The following PLA2G6 variants were observed in gnomAD, a reference collection of about 807,000 sequenced individuals.
PLA2G6 encodes the protein phospholipase A2 group VI, also known as 85/88 kDa calcium-independent phospholipase A2.
PLA2G6 carries 62 observed loss-of-function variants against 83.8 expected under a neutral mutation model. The observed-to-expected ratio is 0.74, with a 90% CI of 0.60 to 0.91. The LOEUF (loss-of-function observed/expected upper bound fraction) is 0.91, where lower values mean the gene tolerates loss of function less well. Among genes scored for constraint, PLA2G6 ranks in the 40% least tolerant of loss-of-function variants. PLA2G6 has a pLI of 0.00. For synonymous variants in PLA2G6, 417 were observed against 449.8 expected, an observed-to-expected ratio of 0.93 and a Z score of 0.92; for missense variants, 944 against 1,102.0, an observed-to-expected ratio of 0.86 and a Z score of 2.03.
chr22:38,150,127 G>C (rs1473377912), intron 2 of PLA2G6: 1 of 151,292 alleles, frequency 6.6e-6, no homozygotes, highest in Non-Finnish European at 1.5e-5. Context: ...GCACCTTGTA[G>C]GGGTTTTAAA....
At chr22:38,178,587 G>A (rs904709914) in intron 1 of PLA2G6, among the ~76,000 whole-genome samples, 4 of 151,838 alleles carry the variant, frequency 2.6e-5, no homozygotes, top group Non-Finnish European at 4.4e-5. Flanking sequence ...AAACAAGGCC[G>A]GGCGCGGTGG....
intron 1 of PLA2G6, among the ~76,000 whole-genome samples, chr22:38,177,458 C>CTT (rs72012543): frequency 9.5e-5 from 11 of 115,630 alleles, no homozygotes; most frequent in African/African-American, 2.0e-4. Flanking sequence ...TAAATTGCCA[C>CTT]TTTTTTTTTT....
At chr22:38,168,898 C>T (rs966975905) in intron 2 of PLA2G6, among the ~76,000 whole-genome samples, 4 of 152,056 alleles carry the variant, frequency 2.6e-5, no homozygotes, top group Admixed American at 2.6e-4. Context: ...AAAGGTTCTC[C>T]CCATGGGCCT....
intron 2 of PLA2G6, chr22:38,147,950 A>C (rs2089358012): frequency 6.2e-6 from 1 of 161,246 alleles, no homozygotes. Flanking sequence ...TCAGTGTTAC[A>C]GAAACAACAA....
At chr22:38,114,675 G>C (rs2087080850) in intron 14 of PLA2G6, among the ~76,000 whole-genome samples, 1 of 152,200 alleles carries the variant, frequency 6.6e-6, no homozygotes, top group African/African-American at 2.4e-5. Flanking sequence ...GGCCCCTAGA[G>C]GGCGCTTCTC....
At chr22:38,142,511 T>C (rs1460129334) in intron 4 of PLA2G6, 1 of 159,424 alleles carries the variant, frequency 6.3e-6, no homozygotes, top group Non-Finnish European at 1.4e-5. Flanking sequence ...TTTGAATTCC[T>C]GTAAAATAGG....
chr22:38,143,078 A>G lies in PLA2G6; in HGVS notation c.609+27T>C, dbSNP rs148500718. 8,829 of 1,607,778 alleles carry G rather than the reference A, an allele frequency of 5.5e-3. 41 individuals are homozygous for G. The highest frequency in any genetic ancestry group is 6.8e-3 in the Non-Finnish European group (8,042 of 1,174,250). On this transcript the variant is annotated intron_variant, in intron 4 of 16. Transcript: ENST00000332509. ...GTGGACACCGGGAGGTATCAGTACCAGTCACCCTGCCCCTCCCCCTGCTCA... is the reference window on the plus strand; with the variant it reads ...GTGGACACCGGGAGGTATCAGTACCGGTCACCCTGCCCCTCCCCCTGCTCA...
chr22:38,176,477 T>G (rs16998801), intron 1 of PLA2G6, among the ~76,000 whole-genome samples: 10,789 of 152,262 alleles, frequency 0.071, 670 homozygotes, highest in African/African-American at 0.15. Flanking sequence ...TTGGAACAAC[T>G]GTTGGATGGT....
intron 12 of PLA2G6, among the ~76,000 whole-genome samples, chr22:38,116,646 GGAGTTC>G (rs1305529097): frequency 6.6e-6 from 1 of 152,146 alleles, no homozygotes; most frequent in Middle Eastern, 3.4e-3. Flanking sequence ...CCTGAGGTCA[GGAGTTC>G]GAGACCAGCC....
At chr22:38,115,363 T>C (rs1350327487) in intron 14 of PLA2G6, among the ~76,000 whole-genome samples, 164 bp downstream of exon 14, 1 of 152,324 alleles carries the variant, frequency 6.6e-6, no homozygotes, top group African/African-American at 2.4e-5. Context: ...ATCCCACCCA[T>C]GGAACAGGTT....
intron 12 of PLA2G6, chr22:38,116,474 T>G: frequency 1.6e-6 from 1 of 638,166 alleles, no homozygotes; most frequent in Admixed American, 2.1e-5. Context: ...AAAAACCTGT[T>G]GCAAGACTGA....
chr22:38,179,563 C>G (rs1241694410), intron 1 of PLA2G6, among the ~76,000 whole-genome samples: 1 of 152,138 alleles, frequency 6.6e-6, no homozygotes, highest in Non-Finnish European at 1.5e-5. Context: ...GCAGGTGGAT[C>G]ACTTGAGATC....
chr22:38,143,384 T>G (rs1569275080), intron 3 of PLA2G6, 96 bp from the exon 4 acceptor site: 2 of 1,200,676 alleles, frequency 1.7e-6, no homozygotes, highest in Non-Finnish European at 2.4e-6. Flanking sequence ...ACTCGGAAAC[T>G]CGGACTTTCT....
intron 5 of PLA2G6, chr22:38,136,869 T>A (rs2088585817): frequency 6.6e-6 from 1 of 151,700 alleles, no homozygotes; most frequent in African/African-American, 2.4e-5. Flanking sequence ...GGTTTCCTCA[T>A]CTGTTTTTTG....
intron 6 of PLA2G6, 43 bp downstream of exon 6, chr22:38,134,945 G>A (rs995181816): frequency 1.4e-6 from 2 of 1,410,750 alleles, no homozygotes; most frequent in Admixed American, 1.7e-5. Context: ...GACCTGCGGG[G>A]CCCGGCCCCC....
At chr22:38,145,327 C>T in intron 3 of PLA2G6, 111 bp downstream of exon 3, 1 of 907,598 alleles carries the variant, frequency 1.1e-6, no homozygotes, top group South Asian at 1.4e-5. Context: ...CCATGCCAGG[C>T]CCTGCTCCTT....
intron 4 of PLA2G6, 162 bp from the exon 5 acceptor site, chr22:38,140,331 A>G (rs1194302338): frequency 3.0e-6 from 2 of 661,994 alleles, no homozygotes; most frequent in Admixed American, 4.3e-5. Context: ...AACATGGTGA[A>G]ATGTCGTCTC....
intron 12 of PLA2G6, 78 bp downstream of exon 12, chr22:38,120,681 G>T: frequency 6.5e-7 from 1 of 1,544,754 alleles, no homozygotes; most frequent in Non-Finnish European, 8.9e-7. Context: ...CCCTCAGCAG[G>T]ACAGGGAGCC....
intron 2 of PLA2G6, among the ~76,000 whole-genome samples, chr22:38,162,210 AAAAAAAAAAAAAG>A (rs1475873278): frequency 6.8e-6 from 1 of 147,094 alleles, no homozygotes; most frequent in Non-Finnish European, 1.5e-5. Context: ...CTCTGTGTCA[AAAAAAAAAAAAAG>A]AAAAAAAAAA....
Sources: gnomAD v4.1 joint callset for allele counts (sites outside exome capture counted in the v4.1 genomes callset) on GRCh38, gnomAD v4.1.1 for gene constraint, MANE v1.5 for transcripts, NCBI Gene and HGNC (gene_info 2026-07-23, HGNC 2026-07-21) for gene names.